MAGI2: variants seen among roughly 807,000 people sequenced by gnomAD.
The protein encoded by MAGI2 is membrane associated guanylate kinase, WW and PDZ domain containing 2.
MAGI2 carries 35 observed loss-of-function variants against 133.3 expected under a neutral mutation model. That is an observed-to-expected ratio of 0.26 (90% CI 0.20 to 0.35). MAGI2 has a LOEUF of 0.35. Among genes scored for constraint, MAGI2 ranks in the 10% least tolerant of loss-of-function variants. The pLI is 1.00. For missense variants in MAGI2, 1,636 were observed against 1,863.4 expected (o/e 0.88, Z 2.25); for synonymous variants, 729 against 710.6 (o/e 1.03, Z -0.41).
chr7:78,580,556 A>G lies in MAGI2; in HGVS notation c.538+46564T>C, dbSNP rs145475278. 2.6e-4 allele frequency among the ~76,000 whole-genome samples: 40 copies of G among 152,346 alleles called. No individual in the cohort carries two copies. In the East Asian group the frequency reaches 7.1e-3, roughly 27 times the overall value. On this transcript the variant is annotated intron_variant, in intron 3 of 21. Transcript: ENST00000354212. ...GGCACAGGCAGGTTTCAGAACATTA[A>G]ATTTTAACATAATCCATAGATACAA...
At chr7:79,109,913 G>A (rs73703632) in intron 1 of MAGI2, among the ~76,000 whole-genome samples, 9,925 of 151,968 alleles carry the variant, frequency 0.065, 1,088 homozygotes, top group African/African-American at 0.22. Context: ...GGTCCAGGAC[G>A]ATTGATTGGT....
At chr7:78,597,876 A>G (rs61008621) in intron 3 of MAGI2, among the ~76,000 whole-genome samples, 53 of 151,276 alleles carry the variant, frequency 3.5e-4, no homozygotes, top group African/African-American at 1.1e-3. Context: ...TTTTTTCCCC[A>G]TAGAGTGATT....
intron 6 of MAGI2, among the ~76,000 whole-genome samples, chr7:78,424,542 A>C (rs1799106494): frequency 6.6e-6 from 1 of 152,174 alleles, no homozygotes; most frequent in Non-Finnish European, 1.5e-5. Flanking sequence ...TGGTAGATTC[A>C]TGAAAACTTG....
At chr7:78,144,712 A>G (rs2150566329) in intron 16 of MAGI2, among the ~76,000 whole-genome samples, 1 of 151,872 alleles carries the variant, frequency 6.6e-6, no homozygotes, top group South Asian at 2.1e-4. Context: ...TTGTTGTTGC[A>G]CTCCAAGGTG....
chr7:78,837,450 AT>A (rs1364152271), intron 2 of MAGI2, among the ~76,000 whole-genome samples: 1 of 152,154 alleles, frequency 6.6e-6, no homozygotes, highest in East Asian at 1.9e-4. Context: ...GAAATTTTCC[AT>A]TTTTATTATG....
rs10654835 is a variant in MAGI2, at chr7:78,461,393, C to CGTGTGTGTGTGTGTGTGTGT, written c.1045+28348_1045+28367dup. On this transcript the variant is annotated intron_variant, in intron 6 of 21. Coordinates refer to ENST00000354212, the MANE Select transcript of MAGI2 (RefSeq NM_012301.4). ...ATAGATTCCTGGACACGTGTGTGTG[C>CGTGTGTGTGTGTGTGTGTGT]GTGTGTGTGTGTGTGTGTGTGTGTG... is the stretch of plus-strand genomic sequence containing the variant. 1.8e-3 allele frequency among the ~76,000 whole-genome samples: 246 copies of CGTGTGTGTGTGTGTGTGTGT among 138,102 alleles called. 2 individuals carry two copies. Among genetic ancestry groups the CGTGTGTGTGTGTGTGTGTGT allele is most frequent in the South Asian group, 0.015 (59 of 4,028 alleles). 90.6% of individuals were successfully genotyped at this position (138,102 alleles called of 152,430 possible). A position where few individuals can be genotyped will look rare whatever the true frequency, so the allele number is the denominator to read the frequency against.
chr7:78,019,321 G>A lies in MAGI2; in HGVS notation c.4362C>T (p.Ser1454=), dbSNP rs776416434. The A allele has an allele frequency of 1.3e-6, 2 of 1,555,870 alleles. No individual in the cohort carries two copies. The highest frequency in any genetic ancestry group is 1.7e-6 in the Non-Finnish European group (2 of 1,160,890). ...SVLKPGASAA[S]R is the part of the protein sequence containing the mutation. ...TTGGCCGTGGCCGCGCGGCTCATCTGCTGGCGGCCGAGGCGCCGGGTTTGA... is the reference window on the plus strand; with the variant it reads ...TTGGCCGTGGCCGCGCGGCTCATCTACTGGCGGCCGAGGCGCCGGGTTTGA... The change falls in exon 22 of 22, where the codon AGC becomes AGT. Residue 1454 remains serine, a synonymous_variant. Coordinates refer to ENST00000354212, the MANE Select transcript of MAGI2 (RefSeq NM_012301.4).
chr7:79,054,893 T>C (rs984128737), intron 1 of MAGI2, among the ~76,000 whole-genome samples: 12 of 152,150 alleles, frequency 7.9e-5, no homozygotes, highest in African/African-American at 2.9e-4. Flanking sequence ...CAGGTTCAAG[T>C]GATTCTCTTG....
chr7:79,141,394 C>A (rs1822120365), intron 1 of MAGI2, among the ~76,000 whole-genome samples: 1 of 152,116 alleles, frequency 6.6e-6, no homozygotes, highest in African/African-American at 2.4e-5. Flanking sequence ...CTGTATCATG[C>A]TGCCATTTCA....
chr7:78,411,755 G>A (rs1359778041), intron 6 of MAGI2, among the ~76,000 whole-genome samples: 1 of 151,914 alleles, frequency 6.6e-6, no homozygotes, highest in African/African-American at 2.4e-5. Flanking sequence ...AATAGCCTTG[G>A]GATGGAAATA....
At chr7:78,364,703 T>C (rs1434208326) in intron 7 of MAGI2, among the ~76,000 whole-genome samples, 1 of 152,166 alleles carries the variant, frequency 6.6e-6, no homozygotes, top group South Asian at 2.1e-4. Context: ...GTTAAGCAAA[T>C]TGTGTAACTG....
At chr7:79,086,498 T>A (rs1816505725) in intron 1 of MAGI2, among the ~76,000 whole-genome samples, 2 of 151,960 alleles carry the variant, frequency 1.3e-5, no homozygotes, top group African/African-American at 4.8e-5. Flanking sequence ...TCAGCCATGT[T>A]TCCTGGATAA....
At chr7:78,734,685 T>C (rs1455656760) in intron 2 of MAGI2, among the ~76,000 whole-genome samples, 1 of 152,158 alleles carries the variant, frequency 6.6e-6, no homozygotes, top group Non-Finnish European at 1.5e-5. Context: ...CTTCTTGCAC[T>C]TTTGCCATTG....
At chr7:79,007,989 T>C (rs1296658764) in intron 1 of MAGI2, among the ~76,000 whole-genome samples, 1 of 151,970 alleles carries the variant, frequency 6.6e-6, no homozygotes, top group Non-Finnish European at 1.5e-5. Context: ...AAAAAGCCAA[T>C]AATGTAGATC....
At chr7:78,826,306 A>C (rs1226122690) in intron 2 of MAGI2, among the ~76,000 whole-genome samples, 1 of 150,126 alleles carries the variant, frequency 6.7e-6, no homozygotes, top group Admixed American at 6.7e-5. Context: ...GTAAGCCGAG[A>C]TCGCGCCACT....
At chr7:78,489,869 G>A in intron 5 of MAGI2, 29 bp from the exon 6 acceptor site, 4 of 1,519,996 alleles carry the variant, frequency 2.6e-6, no homozygotes, top group Non-Finnish European at 3.6e-6. Flanking sequence ...ACTCTGAACA[G>A]ACACATACTA....
chr7:78,581,780 G>C (rs1703284990), intron 3 of MAGI2, among the ~76,000 whole-genome samples: 1 of 152,152 alleles, frequency 6.6e-6, no homozygotes, highest in Admixed American at 6.5e-5. Context: ...GAAAACCTGT[G>C]CATTTTTTTT....
chr7:78,727,482 A>G (rs559214015), intron 2 of MAGI2, among the ~76,000 whole-genome samples: 1 of 152,370 alleles, frequency 6.6e-6, no homozygotes, highest in African/African-American at 2.4e-5. Flanking sequence ...TTTCAAGGCA[A>G]TTGTGTAGTT....
intron 3 of MAGI2, among the ~76,000 whole-genome samples, chr7:78,537,290 T>C (rs1296998977): frequency 6.6e-6 from 1 of 152,180 alleles, no homozygotes; most frequent in African/African-American, 2.4e-5. Context: ...AATTGCAAAT[T>C]GTGCTGCTAT....
Sources: allele counts gnomAD v4.1 joint callset (sites outside exome capture counted in the v4.1 genomes callset), GRCh38; gene constraint gnomAD v4.1.1; transcripts MANE v1.5; gene names NCBI Gene and HGNC (gene_info 2026-07-23, HGNC 2026-07-21).